DRC8: variants seen among roughly 807,000 people sequenced by gnomAD.
The protein encoded by DRC8 is dynein regulatory complex protein 8.
chr1:244,995,677 G>A, the DRC8 span, among the ~76,000 whole-genome samples: 1 of 152,086 alleles, frequency 6.6e-6, no homozygotes, highest in Non-Finnish European at 1.5e-5. Context: ...TGCGCAACTG[G>A]AAGGAACCAG....
the DRC8 span, among the ~76,000 whole-genome samples, chr1:245,093,556 G>C: frequency 6.6e-6 from 1 of 151,868 alleles, no homozygotes; most frequent in Non-Finnish European, 1.5e-5. Context: ...AAATTAGCCA[G>C]GCGTGGTGGT....
At chr1:245,102,707 G>A in the DRC8 span, among the ~76,000 whole-genome samples, 1 of 152,168 alleles carries the variant, frequency 6.6e-6, no homozygotes, top group Non-Finnish European at 1.5e-5. Context: ...CCCATTTGTT[G>A]GGAGAACAAA....
the DRC8 span, among the ~76,000 whole-genome samples, chr1:244,989,362 G>T: frequency 6.6e-6 from 1 of 152,076 alleles, no homozygotes; most frequent in East Asian, 1.9e-4. Flanking sequence ...GGCTCCTTCG[G>T]CTCCTCTTGG....
the DRC8 span, among the ~76,000 whole-genome samples, chr1:245,090,444 G>A: frequency 6.7e-6 from 1 of 150,154 alleles, no homozygotes; most frequent in Non-Finnish European, 1.5e-5. Context: ...AGTGGCTGAC[G>A]TTTGTTGACT....
the DRC8 span, among the ~76,000 whole-genome samples, chr1:244,997,719 AT>A: frequency 1.3e-5 from 2 of 151,384 alleles, no homozygotes; most frequent in Admixed American, 1.3e-4. Context: ...AATTTTTTGT[AT>A]TTTTAGTAGA....
At chr1:244,970,629 G>GCCCGCCGCTCCGCCCCGC in the DRC8 span, 2 of 473,910 alleles carry the variant, frequency 4.2e-6, no homozygotes, top group Non-Finnish European at 6.6e-6. Flanking sequence ...AGCCCGCCCG[G>GCCCGCCGCTCCGCCCCGC]CCCGCCGCTC....
chr1:245,010,437 C>T, the DRC8 span, among the ~76,000 whole-genome samples: 4 of 152,308 alleles, frequency 2.6e-5, no homozygotes, highest in Admixed American at 2.0e-4. Flanking sequence ...TGATATGTCA[C>T]ACACTTGGCA....
chr1:245,029,531 C>T, the DRC8 span, among the ~76,000 whole-genome samples: 13 of 151,590 alleles, frequency 8.6e-5, no homozygotes, highest in African/African-American at 3.2e-4. Flanking sequence ...CTCCTGACCT[C>T]AGGTCATCTG....
At chr1:244,981,569 C>G in the DRC8 span, among the ~76,000 whole-genome samples, 1 of 152,204 alleles carries the variant, frequency 6.6e-6, no homozygotes, top group South Asian at 2.1e-4. Context: ...GGTAAAGCAG[C>G]CTTCCAGTTT....
the DRC8 span, chr1:244,970,328 G>A: frequency 1.0e-5 from 14 of 1,370,858 alleles, no homozygotes; most frequent in Non-Finnish European, 1.3e-5. Context: ...CCCTCCTCCA[G>A]GCCAGGCTCG....
chr1:245,066,187 G>A, the DRC8 span, among the ~76,000 whole-genome samples: 3 of 152,016 alleles, frequency 2.0e-5, no homozygotes, highest in Non-Finnish European at 4.4e-5. Context: ...TTTAACAAAT[G>A]TTTCTTTACT....
the DRC8 span, among the ~76,000 whole-genome samples, chr1:245,079,012 CTG>C: frequency 6.6e-6 from 1 of 152,102 alleles, no homozygotes; most frequent in African/African-American, 2.4e-5. Context: ...TATGGGAACT[CTG>C]TATTATATTT....
the DRC8 span, among the ~76,000 whole-genome samples, chr1:244,977,323 G>A: frequency 9.3e-4 from 142 of 152,262 alleles, 1 homozygote; most frequent in African/African-American, 3.3e-3. Flanking sequence ...AGAAAATGTT[G>A]AGTACATTCA....
chr1:245,023,467 G>A, the DRC8 span, among the ~76,000 whole-genome samples: 112 of 152,296 alleles, frequency 7.4e-4, no homozygotes, highest in Non-Finnish European at 1.3e-3. Flanking sequence ...TTTCCACAGC[G>A]GCTGCGCCAT....
chr1:245,017,885 A>C, the DRC8 span, among the ~76,000 whole-genome samples: 1 of 152,188 alleles, frequency 6.6e-6, no homozygotes, highest in East Asian at 1.9e-4. Context: ...TTAAGAGAAG[A>C]GATTAGACGC....
At chr1:244,976,005 C>T in the DRC8 span, among the ~76,000 whole-genome samples, 1 of 151,718 alleles carries the variant, frequency 6.6e-6, no homozygotes, top group Non-Finnish European at 1.5e-5. Flanking sequence ...GTGGTGGCTC[C>T]TGCTTGTAAT....
At chr1:245,120,045 AGATG>A in the DRC8 span, among the ~76,000 whole-genome samples, 1 of 152,282 alleles carries the variant, frequency 6.6e-6, no homozygotes, top group Admixed American at 6.5e-5. Flanking sequence ...AGTTAAAATA[AGATG>A]GATGACCATA....
chr1:245,077,661 T>G, the DRC8 span, among the ~76,000 whole-genome samples: 1 of 152,170 alleles, frequency 6.6e-6, no homozygotes, highest in African/African-American at 2.4e-5. Flanking sequence ...ATGGGAAAAC[T>G]GTTATTTACA....
chr1:245,115,134 C>G, the DRC8 span, among the ~76,000 whole-genome samples: 11 of 152,282 alleles, frequency 7.2e-5, no homozygotes, highest in East Asian at 2.1e-3. Context: ...CATGCAGCCT[C>G]GACCTCCCCA....
Sources: allele counts gnomAD v4.1 joint callset (sites outside exome capture counted in the v4.1 genomes callset), GRCh38; gene constraint gnomAD v4.1.1; transcripts MANE v1.5; gene names NCBI Gene and HGNC (gene_info 2026-07-23, HGNC 2026-07-21).